CCDC85A: variants seen among roughly 807,000 people sequenced by gnomAD.
CCDC85A encodes coiled-coil domain containing 85A.
Under a neutral mutation model 50.2 loss-of-function variants are expected in CCDC85A, and 38 were observed. The observed-to-expected ratio is 0.76, with a 90% CI of 0.58 to 0.99. The LOEUF is 0.99. Ranked by LOEUF, CCDC85A falls within the 50% of genes least tolerant of loss-of-function variation. The pLI, the probability that CCDC85A is intolerant of heterozygous loss-of-function variation, is 0.00. For synonymous variants in CCDC85A, 366 were observed against 301.4 expected (o/e 1.21, Z -2.22); for missense variants, 820 against 742.0 (o/e 1.11, Z -1.22).
intron 4 of CCDC85A, among the ~76,000 whole-genome samples, chr2:56,375,378 G>A (rs1311173794): frequency 6.6e-6 from 1 of 152,152 alleles, no homozygotes. Context: ...CCTCAAAGAA[G>A]GGTTTTATAA....
chr2:56,298,708 G>C (rs1244640781), intron 2 of CCDC85A, among the ~76,000 whole-genome samples: 1 of 152,178 alleles, frequency 6.6e-6, no homozygotes, highest in Non-Finnish European at 1.5e-5. Flanking sequence ...CACTAATCTA[G>C]AGATCGGAGA....
intron 2 of CCDC85A, among the ~76,000 whole-genome samples, chr2:56,319,303 A>G (rs536114322): frequency 9.2e-5 from 14 of 152,224 alleles, no homozygotes; most frequent in Non-Finnish European, 1.6e-4. Flanking sequence ...CACAGAGTAC[A>G]TACTGGAGCC....
At chr2:56,189,786 A>G (rs970807558) in intron 1 of CCDC85A, among the ~76,000 whole-genome samples, 3 of 152,060 alleles carry the variant, frequency 2.0e-5, no homozygotes, top group African/African-American at 7.3e-5. Flanking sequence ...TCTTTATGTC[A>G]TGAATAGCAG....
intron 3 of CCDC85A, among the ~76,000 whole-genome samples, chr2:56,363,491 A>G (rs1205957892): frequency 6.6e-6 from 1 of 152,192 alleles, no homozygotes; most frequent in African/African-American, 2.4e-5. Flanking sequence ...CTGTAAGGAT[A>G]CATACAAGAA....
chr2:56,229,389 T>C (rs1368190459), intron 2 of CCDC85A, among the ~76,000 whole-genome samples: 1 of 152,192 alleles, frequency 6.6e-6, no homozygotes, highest in African/African-American at 2.4e-5. Context: ...TAAAGGACTT[T>C]AAAGAAGTAT....
At chr2:56,265,417 A>C (rs1420683228) in intron 2 of CCDC85A, among the ~76,000 whole-genome samples, 1 of 151,226 alleles carries the variant, frequency 6.6e-6, no homozygotes, top group Non-Finnish European at 1.5e-5. Context: ...TATTTTAAAA[A>C]GGGCAAAGGA....
chr2:56,311,830 G>A (rs375747620), intron 2 of CCDC85A, among the ~76,000 whole-genome samples: 4 of 152,002 alleles, frequency 2.6e-5, no homozygotes, highest in Non-Finnish European at 4.4e-5. Context: ...GTTTCATAGC[G>A]CTCTATTTCT....
At chr2:56,364,408 T>C (rs902293573) in intron 3 of CCDC85A, among the ~76,000 whole-genome samples, 6 of 152,230 alleles carry the variant, frequency 3.9e-5, no homozygotes, top group Non-Finnish European at 7.3e-5. Context: ...TTACTTTCTT[T>C]TCCTTCCAAT....
intron 2 of CCDC85A, among the ~76,000 whole-genome samples, chr2:56,247,852 A>G (rs1669579822): frequency 1.3e-5 from 2 of 152,248 alleles, no homozygotes; most frequent in South Asian, 4.1e-4. Context: ...CAAATAAACA[A>G]GTGGAAAATT....
chr2:56,310,631 A>G (rs898136230), intron 2 of CCDC85A, among the ~76,000 whole-genome samples: 2 of 152,154 alleles, frequency 1.3e-5, no homozygotes, highest in African/African-American at 4.8e-5. Context: ...TGCCCATTTA[A>G]AGATGTGCCC....
At chr2:56,245,017 G>C (rs922986095) in intron 2 of CCDC85A, among the ~76,000 whole-genome samples, 6 of 152,074 alleles carry the variant, frequency 3.9e-5, no homozygotes, top group Non-Finnish European at 4.4e-5. Context: ...GGAGCTGCAA[G>C]CTGTGCTGCC....
intron 2 of CCDC85A, among the ~76,000 whole-genome samples, chr2:56,271,643 T>G (rs1670703298): frequency 6.6e-6 from 1 of 152,202 alleles, no homozygotes; most frequent in South Asian, 2.1e-4. Flanking sequence ...CATCATTATA[T>G]CCCAAAGGTT....
At chr2:56,322,557 G>T (rs9750062) in intron 2 of CCDC85A, among the ~76,000 whole-genome samples, 2,600 of 152,096 alleles carry the variant, frequency 0.017, 78 homozygotes, top group African/African-American at 0.059. Context: ...TCATCATCAC[G>T]GGCCATCAGA....
At chr2:56,257,192 C>T (rs1670020269) in intron 2 of CCDC85A, among the ~76,000 whole-genome samples, 1 of 152,112 alleles carries the variant, frequency 6.6e-6, no homozygotes, top group African/African-American at 2.4e-5. Context: ...ACGTTTCAGT[C>T]CCTGACATAA....
chr2:56,285,740 C>T (rs929582031), intron 2 of CCDC85A, among the ~76,000 whole-genome samples: 2 of 151,314 alleles, frequency 1.3e-5, no homozygotes, highest in Non-Finnish European at 2.9e-5. Flanking sequence ...TACTATATGC[C>T]TTTAAATAGT....
chr2:56,189,566 C>T (rs553655908), intron 1 of CCDC85A, among the ~76,000 whole-genome samples: 2 of 152,176 alleles, frequency 1.3e-5, no homozygotes, highest in East Asian at 3.9e-4. Flanking sequence ...GTTGGGATTA[C>T]AGATATGAGC....
intron 2 of CCDC85A, among the ~76,000 whole-genome samples, chr2:56,271,600 C>CT (rs1463897421): frequency 6.6e-6 from 1 of 152,094 alleles, no homozygotes; most frequent in Non-Finnish European, 1.5e-5. Context: ...GTCATTTTGG[C>CT]TTTTTTTCTT....
chr2:56,335,980 A>G (rs1300967615), intron 2 of CCDC85A, among the ~76,000 whole-genome samples: 1 of 151,962 alleles, frequency 6.6e-6, no homozygotes, highest in African/African-American at 2.4e-5. Context: ...TAAAGGTCCC[A>G]CCTCTTAATA....
chr2:56,198,302 G>C (rs946031967), intron 2 of CCDC85A, among the ~76,000 whole-genome samples: 6 of 152,214 alleles, frequency 3.9e-5, no homozygotes, highest in African/African-American at 1.4e-4. Context: ...AATAGAAATT[G>C]AATGTCTCCT....
Sources: gnomAD v4.1 joint callset for allele counts (sites outside exome capture counted in the v4.1 genomes callset) on GRCh38, gnomAD v4.1.1 for gene constraint, MANE v1.5 for transcripts, NCBI Gene and HGNC (gene_info 2026-07-23, HGNC 2026-07-21) for gene names.